The following MACROD2 variants were observed in gnomAD, a reference collection of about 807,000 sequenced individuals.
MACROD2 encodes the protein mono-ADP ribosylhydrolase 2.
Under a neutral mutation model 70.4 loss-of-function variants are expected in MACROD2, and 36 were observed. The observed-to-expected ratio is 0.51, with a 90% CI of 0.39 to 0.68. MACROD2 has a LOEUF of 0.68. Among genes scored for constraint, MACROD2 ranks in the 30% least tolerant of loss-of-function variants. MACROD2 has a pLI of 0.00. For synonymous variants in MACROD2, 172 were observed against 178.8 expected (o/e 0.96, Z 0.30); for missense variants, 496 against 538.4 (o/e 0.92, Z 0.78).
chr20:14,277,596 T>A (rs1358889909), intron 3 of MACROD2, among the ~76,000 whole-genome samples: 2 of 152,216 alleles, frequency 1.3e-5, no homozygotes, highest in Non-Finnish European at 2.9e-5. Flanking sequence ...GGGCTGAAGA[T>A]CTTATATCAA....
chr20:15,224,190 C>A (rs937797458), intron 5 of MACROD2, among the ~76,000 whole-genome samples: 1 of 152,118 alleles, frequency 6.6e-6, no homozygotes, highest in Non-Finnish European at 1.5e-5. Context: ...AAGGTCTGAC[C>A]CATAGAAGCC....
chr20:15,777,548 TC>T (rs1270629237), intron 8 of MACROD2, among the ~76,000 whole-genome samples: 1,778 of 104,914 alleles, frequency 0.017, 38 homozygotes, highest in Middle Eastern at 0.031. Flanking sequence ...CTTCCTTCCT[TC>T]CTTCCTTCCT....
chr20:14,275,991 G>T (rs1410265370), intron 3 of MACROD2, among the ~76,000 whole-genome samples: 1 of 152,104 alleles, frequency 6.6e-6, no homozygotes, highest in South Asian at 2.1e-4. Context: ...GTGCTGGAGA[G>T]GATGTGGAGA....
chr20:15,275,933 C>T (rs180776502), intron 6 of MACROD2, among the ~76,000 whole-genome samples: 4 of 152,214 alleles, frequency 2.6e-5, no homozygotes, highest in Admixed American at 2.0e-4. Context: ...TTTTAAAATG[C>T]ACTTCAAATG....
At chr20:14,262,922 T>G (rs943893432) in intron 3 of MACROD2, among the ~76,000 whole-genome samples, 1 of 152,168 alleles carries the variant, frequency 6.6e-6, no homozygotes, top group Non-Finnish European at 1.5e-5. Flanking sequence ...AGAGTGATAG[T>G]AGTTCTAGAA....
intron 5 of MACROD2, among the ~76,000 whole-genome samples, chr20:14,718,136 T>C (rs1003221948): frequency 1.8e-4 from 27 of 150,858 alleles, no homozygotes; most frequent in African/African-American, 6.6e-4. Context: ...CTACAAAAAA[T>C]ACAAAAATTT....
chr20:14,504,196 A>G (rs2084945497), intron 4 of MACROD2, among the ~76,000 whole-genome samples: 1 of 152,256 alleles, frequency 6.6e-6, no homozygotes, highest in African/African-American at 2.4e-5. Context: ...TAGCTGTTGG[A>G]CAGATGGCTA....
intron 6 of MACROD2, among the ~76,000 whole-genome samples, chr20:15,364,142 A>G (rs769015639): frequency 3.3e-5 from 5 of 152,218 alleles, no homozygotes; most frequent in Non-Finnish European, 7.3e-5. Context: ...TAAACTAAGA[A>G]TATTTGTATT....
chr20:14,006,060 G>A (rs765115058), intron 2 of MACROD2, among the ~76,000 whole-genome samples: 6 of 152,078 alleles, frequency 3.9e-5, no homozygotes, highest in South Asian at 2.1e-4. Context: ...CTGTGTTTAC[G>A]TAGGTTTAAA....
chr20:14,709,908 G>A (rs898742806), intron 5 of MACROD2, among the ~76,000 whole-genome samples: 1 of 152,118 alleles, frequency 6.6e-6, no homozygotes, highest in Non-Finnish European at 1.5e-5. Flanking sequence ...GTTCATCAAT[G>A]TGTTACAGCC....
intron 9 of MACROD2, among the ~76,000 whole-genome samples, chr20:15,871,667 C>G (rs2064586302): frequency 6.6e-6 from 1 of 152,160 alleles, no homozygotes; most frequent in Non-Finnish European, 1.5e-5. Flanking sequence ...TTTCAGTGAT[C>G]TTTAAAGAAT....
chr20:15,524,645 G>A (rs770208747), intron 8 of MACROD2, among the ~76,000 whole-genome samples: 30 of 152,090 alleles, frequency 2.0e-4, no homozygotes, highest in Non-Finnish European at 4.3e-4. Flanking sequence ...ATCACCTATA[G>A]GAAATCCCAG....
intron 5 of MACROD2, among the ~76,000 whole-genome samples, chr20:15,205,857 A>G (rs2076696861): frequency 6.6e-6 from 1 of 152,250 alleles, no homozygotes; most frequent in African/African-American, 2.4e-5. Flanking sequence ...AGGAGTGGCA[A>G]GGCCACATTG....
chr20:14,587,448 C>A (rs1440901937), intron 4 of MACROD2, among the ~76,000 whole-genome samples: 1 of 151,700 alleles, frequency 6.6e-6, no homozygotes, highest in South Asian at 2.1e-4. Context: ...AGCAGCATAT[C>A]ACTAAATAGG....
intron 8 of MACROD2, among the ~76,000 whole-genome samples, chr20:15,547,445 C>G (rs528951778): frequency 9.2e-5 from 14 of 152,276 alleles, no homozygotes; most frequent in African/African-American, 2.6e-4. Context: ...AAGTTCTATT[C>G]CATGTTCTTG....
rs78435398 is a variant in MACROD2 at position 15,851,500 on chromosome 20, G to A, written c.646-11245G>A. ...CATGGTCTTCCCTCTGTGCATGTCC[G>A]TGTCCAAACCTCCTCTTCTGATGAG... On this transcript the variant is annotated intron_variant, in intron 8 of 17. Transcript: ENST00000684519. Among the ~76,000 whole-genome samples, 497 of 152,136 alleles carry A rather than the reference G, an allele frequency of 3.3e-3. 7 individuals carry two copies. The highest frequency in any genetic ancestry group is 0.012 in the African/African-American group (478 of 41,502).
chr20:14,198,265 T>C (rs978412993), intron 3 of MACROD2, among the ~76,000 whole-genome samples: 5 of 152,130 alleles, frequency 3.3e-5, no homozygotes, highest in African/African-American at 1.2e-4. Flanking sequence ...ATGCTGGTAA[T>C]TTGATATCTA....
intron 6 of MACROD2, among the ~76,000 whole-genome samples, chr20:15,377,348 A>G (rs955749041): frequency 6.6e-6 from 1 of 152,236 alleles, no homozygotes; most frequent in Non-Finnish European, 1.5e-5. Context: ...GAAAAAGAGA[A>G]AAGAGAAGGA....
intron 7 of MACROD2, among the ~76,000 whole-genome samples, chr20:15,461,004 A>ATTTTT (rs1441910465): frequency 8.6e-4 from 41 of 47,768 alleles, no homozygotes; most frequent in African/African-American, 1.9e-3. Flanking sequence ...ATATATATAT[A>ATTTTT]TATTTTTTTT....
Sources: gnomAD v4.1 joint callset for allele counts (sites outside exome capture counted in the v4.1 genomes callset) on GRCh38, gnomAD v4.1.1 for gene constraint, MANE v1.5 for transcripts, NCBI Gene and HGNC (gene_info 2026-07-23, HGNC 2026-07-21) for gene names.